The following FAM193B variants were observed in gnomAD, a reference collection of about 807,000 sequenced individuals.
FAM193B encodes the protein protein FAM193B.
FAM193B carries 27 observed loss-of-function variants against 70.7 expected under a neutral mutation model. The ratio of observed to expected loss-of-function variants is 0.38; its 90% CI spans 0.28 to 0.53. The LOEUF is 0.53. FAM193B is among the 20% of genes least tolerant of loss of function. FAM193B has a pLI of 0.81. For synonymous variants in FAM193B, 448 were observed against 436.0 expected, an observed-to-expected ratio of 1.03 and a Z score of -0.34; for missense variants, 1,022 against 1,072.5, an observed-to-expected ratio of 0.95 and a Z score of 0.66.
At chr5:177,542,499 G>A (rs1340556241) in intron 1 of FAM193B, among the ~76,000 whole-genome samples, 3 of 152,250 alleles carry the variant, frequency 2.0e-5, no homozygotes, top group African/African-American at 7.2e-5. Context: ...TTACACAAAC[G>A]TGAGTCTCTC....
chr5:177,546,852 C>A (rs948445265), intron 1 of FAM193B, among the ~76,000 whole-genome samples: 3 of 152,322 alleles, frequency 2.0e-5, no homozygotes, highest in African/African-American at 7.2e-5. Flanking sequence ...CCCCACAAGG[C>A]TAGCTCATCC....
chr5:177,524,249 C>T lies in FAM193B; in HGVS notation c.2232G>A (p.Leu744=), dbSNP rs751208616. 3 of 1,557,212 alleles carry T rather than the reference C, an allele frequency of 1.9e-6. No individual in the cohort carries two copies. Among genetic ancestry groups the T allele is most frequent in the Non-Finnish European group, 2.6e-6 (3 of 1,152,618 alleles). Residue 744 remains leucine, a synonymous_variant, in exon 6 of 9, where the codon TTG becomes TTA. Transcript: ENST00000514747. ...QPSGPARPQS[L]PQGKGRSRRS... is the part of the protein sequence containing the mutation. ...GGCGGCTGCGGCCCTTGCCCTGGGG[C>T]AAGCTCTGTGGCCTTGCTGGGCCTG...
At chr5:177,523,843 G>A (rs1001943553) in intron 7 of FAM193B, 114 bp downstream of exon 7, 8 of 1,206,016 alleles carry the variant, frequency 6.6e-6, no homozygotes, top group Middle Eastern at 1.9e-4. Flanking sequence ...GCCTCCCCAA[G>A]GGGTCAGGGC....
chr5:177,541,094 T>C (rs1764795130), intron 1 of FAM193B, among the ~76,000 whole-genome samples: 2 of 152,224 alleles, frequency 1.3e-5, no homozygotes, highest in Admixed American at 6.5e-5. Context: ...AAATTTTACA[T>C]GTGGAACTCA....
Position 177,536,441 on chromosome 5 carries a change from G to T in FAM193B, c.993C>A (p.His331Gln). 1 of 1,593,208 alleles carries T rather than the reference G, an allele frequency of 6.3e-7. No individual in the cohort carries two copies. Among genetic ancestry groups the T allele is most frequent in the East Asian group, 2.3e-5 (1 of 44,400 alleles). The change falls in exon 4 of 9, where the codon CAC becomes CAA. Residue 331 changes from histidine to glutamine, a missense_variant. His to Gln is a conservative substitution (Grantham distance 24). Transcript: ENST00000514747. Reference protein sequence around the residue: ...KMPPPFSGCSHPCSGHCGGHC... With the variant: ...KMPPPFSGCSQPCSGHCGGHC... Reference sequence around the variant, plus strand: ...GCCCACCACAGTGCCCGCTGCAGGGGTGGCTGCACCCCGAGAATGGTGGGG... The same window carrying T: ...GCCCACCACAGTGCCCGCTGCAGGGTTGGCTGCACCCCGAGAATGGTGGGG...
chr5:177,541,457 C>A (rs540334240), intron 1 of FAM193B, among the ~76,000 whole-genome samples: 3 of 152,058 alleles, frequency 2.0e-5, no homozygotes, highest in African/African-American at 4.8e-5. Context: ...CTCGCTCTGT[C>A]GCCCAGGCTG....
chr5:177,523,362 G>GT (rs1260625107), intron 7 of FAM193B: 66 of 241,028 alleles, frequency 2.7e-4, no homozygotes, highest in East Asian at 9.3e-4. Flanking sequence ...TTTGTGTTTT[G>GT]TTTTTTTTCC....
chr5:177,545,408 TTTAATA>T (rs1345794522), intron 1 of FAM193B, among the ~76,000 whole-genome samples: 4 of 152,222 alleles, frequency 2.6e-5, no homozygotes, highest in African/African-American at 9.6e-5. Flanking sequence ...ACAAGATAGC[TTTAATA>T]TTGTCTTTCT....
intron 1 of FAM193B, among the ~76,000 whole-genome samples, chr5:177,543,583 G>A (rs574234730): frequency 6.6e-5 from 10 of 152,306 alleles, no homozygotes; most frequent in Admixed American, 6.5e-4. Flanking sequence ...TTGTGGAACT[G>A]GGAACTTTCC....
rs776827644 is a variant in FAM193B, at chr5:177,538,678, C to T, written c.453+227G>A. On this transcript the variant is annotated intron_variant, in intron 2 of 8. Coordinates refer to ENST00000514747, the MANE Select transcript of FAM193B (RefSeq NM_001190946.3). This position sits in a 1 kb window ranked among gnomAD's most constrained non-coding sequence, Gnocchi z 4.1. The stretch of plus-strand genomic sequence containing the variant: ...CAGTACCTATGAGTGGGCCCTCATC[C>T]TGTGCACAGACCACCCTGAGGGACT... 7.2e-5 allele frequency among the ~76,000 whole-genome samples: 11 copies of T among 152,336 alleles called. No individual in the cohort carries two copies. Among genetic ancestry groups the T allele is most frequent in the Non-Finnish European group, 1.3e-4 (9 of 68,032 alleles).
At chr5:177,527,954 A>G (rs563969485) in intron 5 of FAM193B, among the ~76,000 whole-genome samples, 1 of 152,270 alleles carries the variant, frequency 6.6e-6, no homozygotes, top group South Asian at 2.1e-4. Context: ...TAGCAGTTGG[A>G]GACGTGGATG....
chr5:177,553,351 C>T (rs1191198245), intron 1 of FAM193B: 1 of 993,114 alleles, frequency 1.0e-6, no homozygotes, highest in Non-Finnish European at 1.2e-6. Flanking sequence ...GCCTGCCTTC[C>T]TGGGCAGGCT....
rs779777114 is a variant in FAM193B at position 177,537,946 on chromosome 5, C to T, written c.615G>A (p.Ser205=). 3.2e-6 allele frequency: 5 copies of T among 1,579,880 alleles called. No homozygotes were observed. Among genetic ancestry groups the T allele is most frequent in the African/African-American group, 1.3e-5 (1 of 74,086 alleles). ...PSSFLSAHKL[S]GLWNSPHSSG... is the part of the protein sequence containing the mutation. ...TGGAATGTGGGGAATTCCAGAGGCCCGAGAGCTTATGTGCCGACAGGAACG... is the reference window on the plus strand; with the variant it reads ...TGGAATGTGGGGAATTCCAGAGGCCTGAGAGCTTATGTGCCGACAGGAACG... The change falls in exon 3 of 9, where the codon TCG becomes TCA. Residue 205 remains serine, a synonymous_variant. Transcript: ENST00000514747.
intron 1 of FAM193B, chr5:177,547,270 C>G (rs1459866004): frequency 1.5e-5 from 2 of 135,768 alleles, no homozygotes; most frequent in African/African-American, 5.5e-5. Context: ...GAGACTTGCC[C>G]AAACCAAATT....
At position 177,536,691 on chromosome 5, in the gene FAM193B, G is replaced by C. The variant is rs1764217874; in HGVS notation, c.743C>G (p.Pro248Arg). 5 of 1,558,728 alleles carry C rather than the reference G, an allele frequency of 3.2e-6. No individual in the cohort carries two copies. The highest frequency in any genetic ancestry group is 1.4e-5 in the African/African-American group (1 of 73,200). Residue 248 changes from proline to arginine, a missense_variant, in exon 4 of 9, where the codon CCT becomes CGT. By Grantham distance (103) the Pro-to-Arg change is moderately radical. Transcript: ENST00000514747. ...CGGGTGGTGGCCGGTGGGGCTGTTA[G>C]GGGGAGCAGTGAGGTCTGAGTGCTG... ...HHQHSDLTAPPNSPTGHHPQP... is the reference protein window; with the variant it reads ...HHQHSDLTAPRNSPTGHHPQP...
rs1763575916 is a variant in FAM193B, at chr5:177,532,214, G to A, written c.1275+229C>T. 1 of 1,506,540 alleles carries A rather than the reference G, an allele frequency of 6.6e-7. No individual in the cohort carries two copies. Among genetic ancestry groups the A allele is most frequent in the Admixed American group, 2.1e-5 (1 of 46,870 alleles). The allele number at this position is 1,506,540 out of a possible 1,614,324, so 93.3% of individuals were successfully genotyped here. ...CTTTCCTTTTGCCTAAGGAAAAAAA[G>A]TCAATCTTAAGAGAAACCATGAGAA... is the stretch of plus-strand genomic sequence containing the variant. On this transcript the variant is annotated intron_variant, in intron 5 of 8. Transcript: ENST00000514747. The surrounding 1 kb of genome is among the most constrained non-coding windows in gnomAD (Gnocchi z 4.9).
At chr5:177,537,391 G>A (rs1462052750) in intron 3 of FAM193B, among the ~76,000 whole-genome samples, 1 of 152,204 alleles carries the variant, frequency 6.6e-6, no homozygotes, top group Non-Finnish European at 1.5e-5. Context: ...CAGGGTCAAA[G>A]AAGACTTACA....
chr5:177,539,334 T>G (rs1764574583), intron 1 of FAM193B, 187 bp from the exon 2 acceptor site: 2 of 688,128 alleles, frequency 2.9e-6, no homozygotes, highest in Admixed American at 3.4e-5. Flanking sequence ...TTTTTTAAGA[T>G]GAAGAAACAG....
chr5:177,539,288 T>C, intron 1 of FAM193B, 141 bp from the exon 2 acceptor site: 1 of 1,025,174 alleles, frequency 9.8e-7, no homozygotes, highest in Non-Finnish European at 1.4e-6. Flanking sequence ...ATTTAGTCCT[T>C]GTAACAGCTC....
Sources: allele counts gnomAD v4.1 joint callset (sites outside exome capture counted in the v4.1 genomes callset), GRCh38; gene constraint gnomAD v4.1.1; non-coding constraint Gnocchi (gnomAD v3.1); transcripts MANE v1.5; gene names NCBI Gene and HGNC (gene_info 2026-07-23, HGNC 2026-07-21).